Variants in SPHKAP observed in about 807,000 individuals in gnomAD.
SPHKAP encodes the protein A-kinase anchor protein SPHKAP.
SPHKAP carries 67 observed loss-of-function variants against 137.5 expected under a neutral mutation model. The ratio of observed to expected loss-of-function variants is 0.49; its 90% CI spans 0.40 to 0.60. SPHKAP has a LOEUF of 0.60. Ranked by LOEUF, SPHKAP falls within the 20% of genes least tolerant of loss-of-function variation. The probability of loss-of-function intolerance (pLI) is 0.00; values close to 1 mark genes in which losing one functional copy is unlikely to be tolerated. For synonymous variants in SPHKAP, 813 were observed against 785.3 expected (o/e 1.04, Z -0.59); for missense variants, 2,097 against 2,069.3 (o/e 1.01, Z -0.26).
intron 3 of SPHKAP, among the ~76,000 whole-genome samples, chr2:228,099,820 T>C (rs183553888): frequency 6.6e-6 from 1 of 151,694 alleles, no homozygotes; most frequent in East Asian, 2.0e-4. Flanking sequence ...ATCTTGAGTA[T>C]TATTGGTGTA....
intron 3 of SPHKAP, among the ~76,000 whole-genome samples, chr2:228,055,623 A>G (rs185100180): frequency 1.4e-4 from 21 of 152,310 alleles, no homozygotes; most frequent in African/African-American, 4.8e-4. Context: ...TTCTCAAGTG[A>G]GAGTTCCAGC....
At chr2:228,059,634 G>T (rs937058218) in intron 3 of SPHKAP, among the ~76,000 whole-genome samples, 2 of 152,272 alleles carry the variant, frequency 1.3e-5, no homozygotes, top group African/African-American at 4.8e-5. Context: ...TCCAATTCTT[G>T]TCTTTAGGTA....
chr2:228,154,092 A>G (rs1700020573), intron 1 of SPHKAP, among the ~76,000 whole-genome samples: 1 of 152,210 alleles, frequency 6.6e-6, no homozygotes, highest in East Asian at 1.9e-4. Flanking sequence ...AGATGCAAAA[A>G]TGAAAAATAG....
intron 2 of SPHKAP, among the ~76,000 whole-genome samples, chr2:228,127,450 C>T (rs1282446317): frequency 6.6e-6 from 1 of 152,192 alleles, no homozygotes; most frequent in Admixed American, 6.5e-5. Flanking sequence ...GGCAGCCCCA[C>T]AGTGGCATAC....
At chr2:228,001,044 A>G (rs1693836664) in intron 7 of SPHKAP, among the ~76,000 whole-genome samples, 1 of 152,062 alleles carries the variant, frequency 6.6e-6, no homozygotes, top group Non-Finnish European at 1.5e-5. Context: ...CTTTGCCAGC[A>G]TCTGGTTTTG....
chr2:228,031,742 G>A (rs1272790120), intron 3 of SPHKAP, among the ~76,000 whole-genome samples: 1 of 152,194 alleles, frequency 6.6e-6, no homozygotes, highest in Non-Finnish European at 1.5e-5. Context: ...CCGCTGTTCT[G>A]TAGCCACCGC....
intron 1 of SPHKAP, among the ~76,000 whole-genome samples, chr2:228,151,365 G>C (rs1229624803): frequency 6.6e-6 from 1 of 151,420 alleles, no homozygotes; most frequent in African/African-American, 2.4e-5. Flanking sequence ...CCAAGTCTTT[G>C]CTATTGTGAA....
At chr2:228,116,598 A>G (rs34724829) in intron 2 of SPHKAP, among the ~76,000 whole-genome samples, 16,455 of 152,140 alleles carry the variant, frequency 0.11, 1,124 homozygotes, top group East Asian at 0.18. Flanking sequence ...TCCAATAAAT[A>G]TGACTGAGGA....
At chr2:228,137,078 A>T (rs1699457403) in intron 1 of SPHKAP, among the ~76,000 whole-genome samples, 1 of 150,838 alleles carries the variant, frequency 6.6e-6, no homozygotes, top group African/African-American at 2.4e-5. Flanking sequence ...GTTCCCACCC[A>T]CATATTCCCA....
intron 3 of SPHKAP, among the ~76,000 whole-genome samples, chr2:228,035,284 G>T (rs1168336791): frequency 1.3e-5 from 2 of 150,734 alleles, no homozygotes; most frequent in East Asian, 1.9e-4. Flanking sequence ...ATTCACAACT[G>T]CTTCAAAGAG....
chr2:228,072,431 A>T (rs1697033057), intron 3 of SPHKAP, among the ~76,000 whole-genome samples: 1 of 152,166 alleles, frequency 6.6e-6, no homozygotes. Context: ...TAGACCAGAC[A>T]CATTGAGAAG....
intron 3 of SPHKAP, among the ~76,000 whole-genome samples, chr2:228,035,829 A>G (rs1392477095): frequency 1.3e-5 from 2 of 152,256 alleles, no homozygotes. Flanking sequence ...GGCTGGCCAT[A>G]TGTAGATAGC....
intron 2 of SPHKAP, chr2:228,109,279 T>C (rs1333710471): frequency 1.3e-6 from 1 of 751,708 alleles, no homozygotes; most frequent in Non-Finnish European, 1.6e-6. Context: ...TCAAATTTCA[T>C]TTAGTGCTAG....
intron 1 of SPHKAP, among the ~76,000 whole-genome samples, chr2:228,158,326 C>CTTTTTTTTTTTT (rs55897294): frequency 1.5e-5 from 2 of 133,044 alleles, no homozygotes; most frequent in Admixed American, 7.7e-5. Context: ...TTACTTCTTT[C>CTTTTTTTTTTTT]TTTTTTTTTT....
chr2:228,176,265 A>G (rs1398661476), intron 1 of SPHKAP, among the ~76,000 whole-genome samples: 2 of 152,152 alleles, frequency 1.3e-5, no homozygotes, highest in Non-Finnish European at 1.5e-5. Flanking sequence ...CTCGAAGACA[A>G]GCTTTCTTTT....
At chr2:228,050,378 A>G (rs907874925) in intron 3 of SPHKAP, among the ~76,000 whole-genome samples, 9 of 152,216 alleles carry the variant, frequency 5.9e-5, no homozygotes, top group Admixed American at 1.3e-4. Flanking sequence ...AGACACATGC[A>G]CTTGAATGTT....
intron 1 of SPHKAP, among the ~76,000 whole-genome samples, chr2:228,163,447 C>A (rs1489261417): frequency 6.6e-6 from 1 of 152,120 alleles, no homozygotes; most frequent in Non-Finnish European, 1.5e-5. Flanking sequence ...ATGCAAGATG[C>A]AGACTAAGGT....
chr2:227,982,229 C>T (rs1693027389), intron 11 of SPHKAP: 1 of 985,030 alleles, frequency 1.0e-6, no homozygotes, highest in Non-Finnish European at 1.2e-6. Flanking sequence ...AGCTCCCAGT[C>T]CCTTCTATTT....
intron 3 of SPHKAP, among the ~76,000 whole-genome samples, chr2:228,037,057 TA>T (rs1294816934): frequency 6.6e-6 from 1 of 151,926 alleles, no homozygotes; most frequent in East Asian, 1.9e-4. Context: ...ATAGATAAAA[TA>T]TTTTTCAGCT....
Sources: gnomAD v4.1 joint callset for allele counts (sites outside exome capture counted in the v4.1 genomes callset) on GRCh38, gnomAD v4.1.1 for gene constraint, MANE v1.5 for transcripts, NCBI Gene and HGNC (gene_info 2026-07-23, HGNC 2026-07-21) for gene names.